RAB38: variants seen among roughly 807,000 people sequenced by gnomAD.
RAB38 encodes the protein ras-related protein Rab-38.
RAB38 carries 15 observed loss-of-function variants against 18.4 expected under a neutral mutation model. The observed-to-expected ratio is 0.82, with a 90% CI of 0.55 to 1.26. The LOEUF is 1.26. Ranked by LOEUF, RAB38 falls within the 50% of genes most tolerant of loss-of-function variation. The pLI is 0.00. For synonymous variants in RAB38, 101 were observed against 104.4 expected, an observed-to-expected ratio of 0.97 and a Z score of 0.20; for missense variants, 294 against 267.4, an observed-to-expected ratio of 1.10 and a Z score of -0.69.
At chr11:88,011,493 A>G in the RAB38 span, among the ~76,000 whole-genome samples, 14 of 152,194 alleles carry the variant, frequency 9.2e-5, no homozygotes, top group Non-Finnish European at 1.5e-4. Flanking sequence ...TTGTAGTCCA[A>G]ACTCAAACAT....
At chr11:88,169,857 T>G (rs968485419) in intron 1 of RAB38, among the ~76,000 whole-genome samples, 1 of 152,260 alleles carries the variant, frequency 6.6e-6, no homozygotes, top group Non-Finnish European at 1.5e-5. Context: ...GATTTGTTTT[T>G]GTGTCATCAT....
At chr11:87,939,704 A>G in the RAB38 span, among the ~76,000 whole-genome samples, 2 of 151,992 alleles carry the variant, frequency 1.3e-5, no homozygotes, top group South Asian at 2.1e-4. Context: ...CCAACAAGAG[A>G]AAGAAAAAGA....
chr11:87,831,331 T>A, the RAB38 span, among the ~76,000 whole-genome samples: 1 of 152,162 alleles, frequency 6.6e-6, no homozygotes, highest in Non-Finnish European at 1.5e-5. Flanking sequence ...AGCCATAGTT[T>A]ATGCTTAGCC....
the RAB38 span, among the ~76,000 whole-genome samples, chr11:87,847,188 G>A: frequency 6.6e-6 from 1 of 152,084 alleles, no homozygotes; most frequent in East Asian, 1.9e-4. Context: ...GAAAAGAACA[G>A]ATGGTAGAAG....
the RAB38 span, among the ~76,000 whole-genome samples, chr11:88,106,197 G>T: frequency 6.6e-6 from 1 of 151,802 alleles, no homozygotes; most frequent in South Asian, 2.1e-4. Flanking sequence ...AGAAAAAAAA[G>T]AAACTAACAT....
the RAB38 span, among the ~76,000 whole-genome samples, chr11:87,843,773 A>C: frequency 6.6e-6 from 1 of 152,356 alleles, no homozygotes; most frequent in Non-Finnish European, 1.5e-5. Flanking sequence ...ATGAAAATGA[A>C]GTATAGTTCT....
chr11:87,965,441 G>C, the RAB38 span, among the ~76,000 whole-genome samples: 15 of 152,078 alleles, frequency 9.9e-5, no homozygotes, highest in Non-Finnish European at 1.9e-4. Flanking sequence ...CTTCGATGAC[G>C]ACTGAATTTG....
chr11:87,827,934 T>C, the RAB38 span, among the ~76,000 whole-genome samples: 4 of 152,180 alleles, frequency 2.6e-5, no homozygotes, highest in Non-Finnish European at 4.4e-5. Context: ...GTATTCTGGA[T>C]TGGATCTTAG....
the RAB38 span, among the ~76,000 whole-genome samples, chr11:88,051,597 A>T: frequency 6.6e-6 from 1 of 152,184 alleles, no homozygotes; most frequent in Non-Finnish European, 1.5e-5. Flanking sequence ...AAAATTAGTC[A>T]TCATGTGAAA....
At chr11:87,953,951 T>C in the RAB38 span, among the ~76,000 whole-genome samples, 2 of 152,090 alleles carry the variant, frequency 1.3e-5, no homozygotes, top group Non-Finnish European at 2.9e-5. Context: ...TGTTTTGATG[T>C]AAATCTACAA....
the RAB38 span, among the ~76,000 whole-genome samples, chr11:87,919,915 C>G: frequency 6.6e-6 from 1 of 152,004 alleles, no homozygotes; most frequent in South Asian, 2.1e-4. Context: ...TCTTATGATA[C>G]TTTAATAAAA....
At chr11:87,961,825 T>C in the RAB38 span, among the ~76,000 whole-genome samples, 2 of 152,306 alleles carry the variant, frequency 1.3e-5, no homozygotes, top group South Asian at 2.1e-4. Flanking sequence ...GCTGTCTAAA[T>C]AGTAGGGCTG....
At chr11:87,884,487 C>T in the RAB38 span, among the ~76,000 whole-genome samples, 1 of 151,904 alleles carries the variant, frequency 6.6e-6, no homozygotes, top group African/African-American at 2.4e-5. Context: ...GAAAGATGTG[C>T]CCTGTCCTGA....
At chr11:87,919,363 CAT>C in the RAB38 span, among the ~76,000 whole-genome samples, 1 of 151,404 alleles carries the variant, frequency 6.6e-6, no homozygotes, top group African/African-American at 2.4e-5. Context: ...TTGAGATTAT[CAT>C]AGTTTTTTTT....
the RAB38 span, among the ~76,000 whole-genome samples, chr11:88,017,702 T>TTATATATATATATAATATATATTA: frequency 4.2e-5 from 6 of 144,520 alleles, no homozygotes; most frequent in Admixed American, 1.4e-4. Context: ...AAATTGTATT[T>TTATATATATATATAATATATATTA]TATATATATA....
At chr11:87,946,749 C>T in the RAB38 span, among the ~76,000 whole-genome samples, 3 of 151,316 alleles carry the variant, frequency 2.0e-5, no homozygotes, top group African/African-American at 7.3e-5. Context: ...CATAGTATTC[C>T]ATGGTGTATA....
At chr11:87,939,430 A>G in the RAB38 span, among the ~76,000 whole-genome samples, 2 of 152,010 alleles carry the variant, frequency 1.3e-5, no homozygotes, top group Admixed American at 6.6e-5. Context: ...ACATCAATAT[A>G]GAAATAAAGA....
At chr11:87,976,955 TTACATTATACAA>T in the RAB38 span, among the ~76,000 whole-genome samples, 4 of 27,278 alleles carry the variant, frequency 1.5e-4, no homozygotes, top group African/African-American at 3.8e-4. Flanking sequence ...TAAAATATAA[TTACATTATACAA>T]GTATATTATA....
At chr11:88,032,496 C>A in the RAB38 span, among the ~76,000 whole-genome samples, 37 of 152,202 alleles carry the variant, frequency 2.4e-4, no homozygotes, top group South Asian at 1.0e-3. Context: ...CAAAGGGCTA[C>A]TATCCAGAAT....
Sources: allele counts gnomAD v4.1 joint callset (sites outside exome capture counted in the v4.1 genomes callset), GRCh38; gene constraint gnomAD v4.1.1; transcripts MANE v1.5; gene names NCBI Gene and HGNC (gene_info 2026-07-23, HGNC 2026-07-21).